TMEM163: variants seen among roughly 807,000 people sequenced by gnomAD.
The protein encoded by TMEM163 is transmembrane protein 163.
Under a neutral mutation model 29.3 loss-of-function variants are expected in TMEM163, and 17 were observed. The ratio of observed to expected loss-of-function variants is 0.58; its 90% CI spans 0.40 to 0.87. The LOEUF (loss-of-function observed/expected upper bound fraction) is 0.87, where lower values mean the gene tolerates loss of function less well. Among genes scored for constraint, TMEM163 ranks in the 40% least tolerant of loss-of-function variants. The pLI, the probability that TMEM163 is intolerant of heterozygous loss-of-function variation, is 0.00. For synonymous variants in TMEM163, 157 were observed against 160.6 expected, an observed-to-expected ratio of 0.98 and a Z score of 0.17; for missense variants, 303 against 381.5, an observed-to-expected ratio of 0.79 and a Z score of 1.71.
intron 5 of TMEM163, among the ~76,000 whole-genome samples, chr2:134,488,431 G>A (rs1223179494): frequency 5.9e-5 from 9 of 152,202 alleles, no homozygotes; most frequent in African/African-American, 2.2e-4. Flanking sequence ...CGTGCTGGGT[G>A]CTTCCTGCCC....
intron 5 of TMEM163, among the ~76,000 whole-genome samples, chr2:134,470,226 G>A (rs1045213273): frequency 5.3e-5 from 8 of 151,854 alleles, no homozygotes; most frequent in South Asian, 2.1e-4. Flanking sequence ...GCGCGGTGGC[G>A]GGCGCCTGTA....
intron 2 of TMEM163, among the ~76,000 whole-genome samples, chr2:134,594,194 A>G (rs2280219): frequency 0.64 from 97,162 of 151,124 alleles, 32,567 homozygotes; most frequent in African/African-American, 0.78. Context: ...TGGTTTATAA[A>G]ACAGAAAGGA....
intron 2 of TMEM163, among the ~76,000 whole-genome samples, chr2:134,622,049 A>G (rs891277522): frequency 6.6e-6 from 1 of 152,236 alleles, no homozygotes; most frequent in Non-Finnish European, 1.5e-5. Context: ...GCTAATTGAA[A>G]AAAGCAAAAC....
At chr2:134,506,619 C>T (rs1461533071) in intron 4 of TMEM163, among the ~76,000 whole-genome samples, 1 of 152,234 alleles carries the variant, frequency 6.6e-6, no homozygotes, top group African/African-American at 2.4e-5. Flanking sequence ...ATTCAACTGC[C>T]TCCCTCCTAA....
At chr2:134,710,608 A>G (rs1036638274) in intron 2 of TMEM163, among the ~76,000 whole-genome samples, 1 of 151,382 alleles carries the variant, frequency 6.6e-6, no homozygotes, top group Non-Finnish European at 1.5e-5. Context: ...AGAATTTATC[A>G]TTTTCCAAGA....
intron 4 of TMEM163, 116 bp downstream of exon 4, chr2:134,550,454 G>T: frequency 1.1e-6 from 1 of 921,734 alleles, no homozygotes; most frequent in Non-Finnish European, 1.7e-6. Context: ...GCAACCTGGG[G>T]ACCTTCTTCT....
intron 5 of TMEM163, among the ~76,000 whole-genome samples, chr2:134,484,547 G>T (rs1679270703): frequency 6.6e-6 from 1 of 152,132 alleles, no homozygotes; most frequent in Admixed American, 6.5e-5. Flanking sequence ...GGTGGCATGT[G>T]CCTGTAGTCC....
chr2:134,623,632 T>A (rs932664392), intron 2 of TMEM163, among the ~76,000 whole-genome samples: 1 of 152,228 alleles, frequency 6.6e-6, no homozygotes, highest in East Asian at 1.9e-4. Context: ...CCTGGCATGA[T>A]GGCAGGTGCC....
intron 5 of TMEM163, among the ~76,000 whole-genome samples, chr2:134,473,003 C>T (rs1290139586): frequency 1.3e-5 from 2 of 152,048 alleles, no homozygotes; most frequent in Admixed American, 6.6e-5. Flanking sequence ...AAGAATAAGT[C>T]ACCAGGGAAA....
At chr2:134,496,451 C>G (rs915510970) in intron 5 of TMEM163, among the ~76,000 whole-genome samples, 1 of 152,170 alleles carries the variant, frequency 6.6e-6, no homozygotes, top group African/African-American at 2.4e-5. Flanking sequence ...GGAACACCAC[C>G]AACCTCTACA....
At chr2:134,717,185 TG>T (rs1288974873) in intron 1 of TMEM163, among the ~76,000 whole-genome samples, 1 of 152,224 alleles carries the variant, frequency 6.6e-6, no homozygotes, top group African/African-American at 2.4e-5. Context: ...CTCTTAGAGA[TG>T]ACCTGCAATG....
At chr2:134,477,361 CA>C (rs1299391302) in intron 5 of TMEM163, among the ~76,000 whole-genome samples, 1 of 152,172 alleles carries the variant, frequency 6.6e-6, no homozygotes, top group Middle Eastern at 3.2e-3. Context: ...AAAGCTGTGG[CA>C]GAGAAATGTG....
rs191923225 is a variant in TMEM163 at position 134,677,216 on chromosome 2, T to C, written c.322+35984A>G. Among the ~76,000 whole-genome samples the C allele has an allele frequency of 2.7e-4, 41 of 152,298 alleles. 1 individual carries two copies. Among genetic ancestry groups the C allele is most frequent in the South Asian group, 1.9e-3 (9 of 4,826 alleles). On this transcript the variant is annotated intron_variant, in intron 2 of 7. Coordinates refer to ENST00000281924, the MANE Select transcript of TMEM163 (RefSeq NM_030923.5). Reference sequence around the variant, plus strand: ...TTTGAAGAGGTTTCAGACCCTCACGTTGGGACGGAGGCTGCAGAGCAGTGA... The same window carrying C: ...TTTGAAGAGGTTTCAGACCCTCACGCTGGGACGGAGGCTGCAGAGCAGTGA...
chr2:134,598,044 A>T (rs1160408301), intron 2 of TMEM163, among the ~76,000 whole-genome samples: 1 of 151,894 alleles, frequency 6.6e-6, no homozygotes, highest in Admixed American at 6.6e-5. Context: ...AATTTTGTTG[A>T]TATTTTCAAA....
At chr2:134,665,452 C>T (rs1379760670) in intron 2 of TMEM163, among the ~76,000 whole-genome samples, 2 of 152,166 alleles carry the variant, frequency 1.3e-5, no homozygotes, top group Non-Finnish European at 2.9e-5. Context: ...CCTACCAGGT[C>T]CCTCCCATGA....
intron 2 of TMEM163, among the ~76,000 whole-genome samples, chr2:134,690,757 A>G (rs1684447343): frequency 6.6e-6 from 1 of 152,232 alleles, no homozygotes; most frequent in Non-Finnish European, 1.5e-5. Context: ...TTACACAGCT[A>G]TTCTCAAGGC....
chr2:134,612,836 T>A (rs555829657), intron 2 of TMEM163, among the ~76,000 whole-genome samples: 1 of 152,330 alleles, frequency 6.6e-6, no homozygotes, highest in South Asian at 2.1e-4. Flanking sequence ...ATTTTAAATG[T>A]CTGATCTTCA....
chr2:134,458,747 A>G (rs1558908929), intron 6 of TMEM163: 1 of 152,722 alleles, frequency 6.5e-6, no homozygotes, highest in Non-Finnish European at 1.5e-5. Flanking sequence ...TTCTATCCCA[A>G]CCTGCATCCT....
At chr2:134,689,474 C>A (rs1684416174) in intron 2 of TMEM163, among the ~76,000 whole-genome samples, 1 of 152,178 alleles carries the variant, frequency 6.6e-6, no homozygotes, top group African/African-American at 2.4e-5. Flanking sequence ...TATTGGACAG[C>A]ACTGGTCTAG....
Sources: allele counts gnomAD v4.1 joint callset (sites outside exome capture counted in the v4.1 genomes callset), GRCh38; gene constraint gnomAD v4.1.1; transcripts MANE v1.5; gene names NCBI Gene and HGNC (gene_info 2026-07-23, HGNC 2026-07-21).